Variants in PRKAR1B observed in about 807,000 individuals in gnomAD.
The protein encoded by PRKAR1B is cAMP-dependent protein kinase type I-beta regulatory subunit.
A neutral mutation model predicts 46.5 loss-of-function variants in PRKAR1B; 22 were observed. That is an observed-to-expected ratio of 0.47 (90% CI 0.34 to 0.68). The LOEUF is 0.68. Among genes scored for constraint, PRKAR1B ranks in the 30% least tolerant of loss-of-function variants. PRKAR1B has a pLI of 0.01. For missense variants in PRKAR1B, 445 were observed against 535.6 expected (o/e 0.83, Z 1.67); for synonymous variants, 259 against 217.7 (o/e 1.19, Z -1.67).
intron 2 of PRKAR1B, among the ~76,000 whole-genome samples, chr7:707,976 G>T (rs2128526515): frequency 6.7e-6 from 1 of 148,984 alleles, no homozygotes; most frequent in East Asian, 2.0e-4. Flanking sequence ...ACCACACCTT[G>T]ATCTCAGACT....
At chr7:721,369 G>C (rs147380833) in intron 1 of PRKAR1B, among the ~76,000 whole-genome samples, 2 of 152,120 alleles carry the variant, frequency 1.3e-5, no homozygotes, top group Non-Finnish European at 2.9e-5. Flanking sequence ...TTTCTGGGCC[G>C]GGCACGGTGG....
At chr7:688,849 T>G (rs549648929) in intron 2 of PRKAR1B, among the ~76,000 whole-genome samples, 1 of 152,368 alleles carries the variant, frequency 6.6e-6, no homozygotes, top group African/African-American at 2.4e-5. Context: ...ACTAGAATAC[T>G]GCCTGGGCTT....
intron 4 of PRKAR1B, among the ~76,000 whole-genome samples, chr7:627,560 C>A (rs538639462): frequency 1.3e-5 from 2 of 152,324 alleles, no homozygotes; most frequent in African/African-American, 4.8e-5. Flanking sequence ...GCTGACCCCC[C>A]CAATCCATCA....
rs539394531 is a variant in PRKAR1B, at chr7:562,366, C to G, written c.892-10896G>C. 1.1e-4 allele frequency among the ~76,000 whole-genome samples: 16 copies of G among 152,280 alleles called. No individual in the cohort carries two copies. The South Asian group carries it at 2.9e-3, about 28-fold the overall frequency. On this transcript the variant is annotated intron_variant, in intron 9 of 10. Coordinates refer to ENST00000537384, the MANE Select transcript of PRKAR1B (RefSeq NM_001164760.2). Reference sequence around the variant, plus strand: ...CAACCCCAAGCGTCCCAGTGAGGGCCCTGTCGCCTCCAGCTCCACAGGCCC... The same window carrying G: ...CAACCCCAAGCGTCCCAGTGAGGGCGCTGTCGCCTCCAGCTCCACAGGCCC...
upstream of PRKAR1B, chr7:727,368 C>T (rs1781370597): frequency 1.9e-6 from 2 of 1,055,526 alleles, no homozygotes; most frequent in African/African-American, 3.4e-5. Context: ...TCACCCCCAC[C>T]TCCACCTCCG....
rs1003857517 is a variant in PRKAR1B, at chr7:680,106, T to G, written c.348+450A>C. 2.1e-5 allele frequency among the ~76,000 whole-genome samples: 3 copies of G among 144,192 alleles called. No homozygotes were observed. In the South Asian group the frequency reaches 6.4e-4, roughly 31 times the overall value. 94.6% of individuals were successfully genotyped at this position (144,192 alleles called of 152,430 possible). A position where few individuals can be genotyped will look rare whatever the true frequency, so the allele number is the denominator to read the frequency against. ...CTGGGAGGCGGAGCTTGCAGTGAGC[T>G]GAGATCGCACCACTGCACTCCAGCC... On this transcript the variant is annotated intron_variant, in intron 3 of 10. Transcript: ENST00000537384.
At chr7:594,543 A>G (rs1166361430) in intron 7 of PRKAR1B, among the ~76,000 whole-genome samples, 1 of 152,134 alleles carries the variant, frequency 6.6e-6, no homozygotes, top group African/African-American at 2.4e-5. Context: ...CGGCCACCCA[A>G]ACCACAGGCG....
intron 4 of PRKAR1B, among the ~76,000 whole-genome samples, chr7:625,437 G>T (rs900681378): frequency 1.3e-5 from 2 of 152,198 alleles, no homozygotes; most frequent in Non-Finnish European, 2.9e-5. Context: ...TTGAAAATAG[G>T]AAAATACTAA....
intron 8 of PRKAR1B, among the ~76,000 whole-genome samples, chr7:584,043 A>G (rs9330369): frequency 0.69 from 105,588 of 152,114 alleles, 37,596 homozygotes; most frequent in East Asian, 0.89. Context: ...AACTGAGAGC[A>G]ATGATGGCGG....
At chr7:634,209 G>A (rs888421704) in intron 4 of PRKAR1B, among the ~76,000 whole-genome samples, 5 of 151,926 alleles carry the variant, frequency 3.3e-5, no homozygotes, top group Admixed American at 2.6e-4. Context: ...TTTTAGTAGA[G>A]ACGGGGTTTC....
At chr7:651,309 T>C (rs765094412) in intron 4 of PRKAR1B, among the ~76,000 whole-genome samples, 2 of 152,184 alleles carry the variant, frequency 1.3e-5, no homozygotes, top group African/African-American at 4.8e-5. Context: ...GGAGGAAGCA[T>C]GATCCATGTT....
chr7:698,130 C>T (rs115407823), intron 2 of PRKAR1B, among the ~76,000 whole-genome samples: 3,846 of 146,532 alleles, frequency 0.026, 290 homozygotes, highest in African/African-American at 0.09. Flanking sequence ...CTGGGCAGGG[C>T]ACCATGGCTC....
chr7:628,566 G>C (rs1027037938), intron 4 of PRKAR1B, among the ~76,000 whole-genome samples: 2 of 152,212 alleles, frequency 1.3e-5, no homozygotes, highest in African/African-American at 4.8e-5. Flanking sequence ...GCAGGGGCTC[G>C]ATGGGACCAG....
At chr7:583,591 C>T (rs1266671702) in intron 8 of PRKAR1B, among the ~76,000 whole-genome samples, 1 of 71,304 alleles carries the variant, frequency 1.4e-5, no homozygotes, top group Non-Finnish European at 3.0e-5. Context: ...TGCACACTCC[C>T]AGGTGCACAC....
At chr7:631,226 C>T (rs1783719225) in intron 4 of PRKAR1B, among the ~76,000 whole-genome samples, 1 of 152,246 alleles carries the variant, frequency 6.6e-6, no homozygotes, top group Non-Finnish European at 1.5e-5. Context: ...GTTGGGATGA[C>T]AGGCGTGAGC....
chr7:701,718 C>G (rs992242819), intron 2 of PRKAR1B, among the ~76,000 whole-genome samples: 2 of 152,204 alleles, frequency 1.3e-5, no homozygotes. Context: ...CATCTTTAAA[C>G]TGCTGAAATA....
rs1008617158 is a variant in PRKAR1B, at chr7:580,156, G to A, written c.770-779C>T. Among the ~76,000 whole-genome samples the A allele has an allele frequency of 5.3e-4, 81 of 151,528 alleles. 2 individuals are homozygous for A. Among genetic ancestry groups the A allele is most frequent in the African/African-American group, 1.8e-3 (76 of 41,180 alleles). On this transcript the variant is annotated intron_variant, in intron 8 of 10. Coordinates refer to ENST00000537384, the MANE Select transcript of PRKAR1B (RefSeq NM_001164760.2). The stretch of plus-strand genomic sequence containing the variant: ...TGAGGCAAAAGGATCACTTGAGCGC[G>A]GGAGGTCGCGGCTGCAGTGAGCTAT...
At chr7:726,438 G>C (rs1425311525) in intron 1 of PRKAR1B, among the ~76,000 whole-genome samples, 1 of 152,156 alleles carries the variant, frequency 6.6e-6, no homozygotes, top group Non-Finnish European at 1.5e-5. Context: ...GGCAGGCCCA[G>C]GCCTATAGCC....
intron 6 of PRKAR1B, among the ~76,000 whole-genome samples, chr7:597,040 A>G (rs1781306667): frequency 6.6e-6 from 1 of 152,260 alleles, no homozygotes. Flanking sequence ...ATTGAGCATC[A>G]CAGTTGGGTC....
Sources: gnomAD v4.1 joint callset for allele counts (sites outside exome capture counted in the v4.1 genomes callset) on GRCh38, gnomAD v4.1.1 for gene constraint, MANE v1.5 for transcripts, NCBI Gene and HGNC (gene_info 2026-07-23, HGNC 2026-07-21) for gene names.